ARPP21: variants seen among roughly 807,000 people sequenced by gnomAD.
ARPP21 encodes cAMP-regulated phosphoprotein 21.
A neutral mutation model predicts 113.2 loss-of-function variants in ARPP21; 69 were observed. The observed-to-expected ratio is 0.61, with a 90% confidence interval of 0.50 to 0.74. The LOEUF (loss-of-function observed/expected upper bound fraction) is 0.74, where lower values mean the gene tolerates loss of function less well. Among genes scored for constraint, ARPP21 ranks in the 30% least tolerant of loss-of-function variants. The pLI, the probability that ARPP21 is intolerant of heterozygous loss-of-function variation, is 0.00. For synonymous variants in ARPP21, 368 were observed against 375.5 expected (o/e 0.98, Z 0.23); for missense variants, 1,070 against 1,037.4 (o/e 1.03, Z -0.43).
chr3:35,658,397 G>T (rs1706030870), intron 1 of ARPP21, among the ~76,000 whole-genome samples: 1 of 152,044 alleles, frequency 6.6e-6, no homozygotes, highest in African/African-American at 2.4e-5. Context: ...TTTTGTACAT[G>T]AAATAATGTA....
chr3:35,695,418 G>A (rs1472285885), intron 9 of ARPP21, among the ~76,000 whole-genome samples: 1 of 151,460 alleles, frequency 6.6e-6, no homozygotes, highest in Non-Finnish European at 1.5e-5. Flanking sequence ...AAAATTACAA[G>A]ATGGGATTCA....
chr3:35,722,623 T>A, intron 14 of ARPP21, among the ~76,000 whole-genome samples: 1 of 152,200 alleles, frequency 6.6e-6, no homozygotes, highest in East Asian at 1.9e-4. Flanking sequence ...TGCTTGTATG[T>A]TTTTTTCCAA....
At chr3:35,763,713 T>A (rs1424591786) in intron 19 of ARPP21, among the ~76,000 whole-genome samples, 1 of 152,180 alleles carries the variant, frequency 6.6e-6, no homozygotes, top group Non-Finnish European at 1.5e-5. Flanking sequence ...AGCGGCAGTT[T>A]AGATGTCTGG....
chr3:35,690,092 T>A lies in ARPP21; in HGVS notation c.497T>A (p.Ile166Lys). Residue 166 changes from isoleucine (I) to lysine (K), a missense_variant, in exon 8 of 21, where the codon ATA becomes AAA. Transcript: ENST00000684406. Reference protein sequence around the residue: ...TLKNNSRDRMILLKMEQEIID... With the variant: ...TLKNNSRDRMKLLKMEQEIID... ...CATTTATTTTGCAGGGACAGGATGA[T>A]ACTTTTGAAAATGGAGCAGGAAATT... 1.4e-6 allele frequency: 2 copies of A among 1,430,752 alleles called. No individual in the cohort carries two copies. The highest frequency in any genetic ancestry group is 2.3e-5 in the South Asian group (2 of 87,136). 88.6% of individuals were successfully genotyped at this position (1,430,752 alleles called of 1,614,324 possible). A position where few individuals can be genotyped will look rare whatever the true frequency, so the allele number is the denominator to read the frequency against.
intron 19 of ARPP21, among the ~76,000 whole-genome samples, chr3:35,745,643 G>A (rs1262947603): frequency 6.6e-6 from 1 of 152,174 alleles, no homozygotes; most frequent in Non-Finnish European, 1.5e-5. Context: ...CTGGGCAACA[G>A]AATTAGATTT....
At chr3:35,793,440 A>G (rs1416345461) in intron 20 of ARPP21, among the ~76,000 whole-genome samples, 1 of 152,228 alleles carries the variant, frequency 6.6e-6, no homozygotes, top group South Asian at 2.1e-4. Context: ...CATTCCAGGC[A>G]GTGTGCCAGG....
At position 35,690,985 on chromosome 3, in the gene ARPP21, C is replaced by T. The variant is rs770040838; in HGVS notation, c.666C>T (p.Asn222=). The part of the protein sequence containing the change: ...VDQTGKSVII[N]KTSSTRIPEQ... ...AAACAGGAAAATCTGTTATCATCAA[C>T]AAGACCAGCAGCACCAGAATGTAAG... The change falls in exon 9 of 21, where the codon AAC becomes AAT. Residue 222 remains asparagine (N), a synonymous_variant. Transcript: ENST00000684406. 22 of 1,610,334 alleles carry T rather than the reference C, an allele frequency of 1.4e-5. No individual in the cohort carries two copies. The highest frequency in any genetic ancestry group is 1.7e-5 in the Admixed American group (1 of 59,770).
chr3:35,687,961 G>T (rs1376545147), intron 6 of ARPP21, 78 bp downstream of exon 6: 4 of 1,355,236 alleles, frequency 3.0e-6, no homozygotes, highest in Non-Finnish European at 4.0e-6. Flanking sequence ...GATTTCACAT[G>T]CATATTCACC....
At chr3:35,692,743 G>T (rs2082612239) in intron 9 of ARPP21, among the ~76,000 whole-genome samples, 1 of 151,526 alleles carries the variant, frequency 6.6e-6, no homozygotes, top group African/African-American at 2.4e-5. Context: ...GATCTGCCCG[G>T]TATGGTAGCC....
chr3:35,765,972 C>T (rs946460815), intron 19 of ARPP21, among the ~76,000 whole-genome samples: 1 of 152,076 alleles, frequency 6.6e-6, no homozygotes, highest in Non-Finnish European at 1.5e-5. Context: ...GTGTTTGACA[C>T]ATAGAGAGCA....
intron 19 of ARPP21, among the ~76,000 whole-genome samples, chr3:35,752,867 A>G (rs1439349737): frequency 1.3e-5 from 2 of 152,084 alleles, no homozygotes; most frequent in Non-Finnish European, 2.9e-5. Context: ...CTAATATTTC[A>G]TAGTCAACAT....
intron 6 of ARPP21, among the ~76,000 whole-genome samples, chr3:35,688,913 A>T (rs1240171298): frequency 6.7e-6 from 1 of 150,272 alleles, no homozygotes. Context: ...GTTTTAAGAG[A>T]AAAAGGGTTC....
chr3:35,713,907 C>G (rs1235339635), intron 11 of ARPP21, among the ~76,000 whole-genome samples: 4 of 152,140 alleles, frequency 2.6e-5, no homozygotes, highest in African/African-American at 9.7e-5. Context: ...TGAGAAGTAG[C>G]AAAGTATGAA....
intron 11 of ARPP21, among the ~76,000 whole-genome samples, chr3:35,713,289 T>G (rs1310578296): frequency 6.6e-6 from 1 of 152,182 alleles, no homozygotes; most frequent in Non-Finnish European, 1.5e-5. Flanking sequence ...TCACAGCCCA[T>G]AACTGTATCT....
chr3:35,691,199 A>G (rs2082142243), intron 9 of ARPP21, among the ~76,000 whole-genome samples, 194 bp downstream of exon 9: 1 of 151,714 alleles, frequency 6.6e-6, no homozygotes. Context: ...TAAAATTCAG[A>G]CAATAAAGTG....
At chr3:35,723,776 A>G (rs1398621606) in intron 14 of ARPP21, among the ~76,000 whole-genome samples, 1 of 152,240 alleles carries the variant, frequency 6.6e-6, no homozygotes, top group Non-Finnish European at 1.5e-5. Context: ...TTGAAGAATG[A>G]TTAGAGATTG....
intron 12 of ARPP21, among the ~76,000 whole-genome samples, chr3:35,716,761 T>G (rs1346699702): frequency 6.6e-6 from 1 of 152,010 alleles, no homozygotes; most frequent in Non-Finnish European, 1.5e-5. Context: ...TCTTATCCAT[T>G]TACACTTGAG....
At chr3:35,643,964 G>A (rs1158522813) in intron 1 of ARPP21, 3 of 151,952 alleles carry the variant, frequency 2.0e-5, no homozygotes, top group East Asian at 1.9e-4. Flanking sequence ...TTAAGTCAGC[G>A]ATGATGCATT....
At chr3:35,689,966 A>G (rs563496436) in intron 7 of ARPP21, 115 bp from the exon 8 acceptor site, 2 of 622,826 alleles carry the variant, frequency 3.2e-6, no homozygotes, top group African/African-American at 3.7e-5. Flanking sequence ...AGAGTTAGGT[A>G]TAAGTTTGTA....
Sources: gnomAD v4.1 joint callset for allele counts (sites outside exome capture counted in the v4.1 genomes callset) on GRCh38, gnomAD v4.1.1 for gene constraint, MANE v1.5 for transcripts, NCBI Gene and HGNC (gene_info 2026-07-23, HGNC 2026-07-21) for gene names.